SHOC1: variants seen among roughly 807,000 people sequenced by gnomAD.
The protein encoded by SHOC1 is protein shortage in chiasmata 1 ortholog.
SHOC1 carries 136 observed loss-of-function variants against 179.2 expected under a neutral mutation model. That is an observed-to-expected ratio of 0.76 (90% CI 0.66 to 0.87). The LOEUF is 0.87. SHOC1 is among the 40% of genes least tolerant of loss of function. The probability of loss-of-function intolerance (pLI) is 0.00; values close to 1 mark genes in which losing one functional copy is unlikely to be tolerated. For missense variants in SHOC1, 1,538 were observed against 1,700.8 expected, an observed-to-expected ratio of 0.90 and a Z score of 1.68; for synonymous variants, 489 against 586.6, an observed-to-expected ratio of 0.83 and a Z score of 2.41.
At chr9:111,754,214 G>T (rs958216574) in intron 8 of SHOC1, among the ~76,000 whole-genome samples, 27 of 151,986 alleles carry the variant, frequency 1.8e-4, no homozygotes, top group Admixed American at 1.2e-3. Context: ...AAAGAAGGCA[G>T]AAAAGGAGGA....
intron 8 of SHOC1, among the ~76,000 whole-genome samples, chr9:111,755,927 A>T (rs1834834227): frequency 6.6e-6 from 1 of 152,144 alleles, no homozygotes; most frequent in Non-Finnish European, 1.5e-5. Context: ...GTTCAAGACC[A>T]GCCTGATCAA....
intron 5 of SHOC1, among the ~76,000 whole-genome samples, chr9:111,764,339 T>C (rs1835263690): frequency 6.6e-6 from 1 of 152,196 alleles, no homozygotes; most frequent in African/African-American, 2.4e-5. Flanking sequence ...AAATTTATCA[T>C]TGGTATGTAT....
At position 111,773,889 on chromosome 9, in the gene SHOC1, C is replaced by A. The variant is rs1400140255; in HGVS notation, c.442+1902G>T. Among the ~76,000 whole-genome samples the A allele has an allele frequency of 2.0e-5, 3 of 152,078 alleles. No homozygotes were observed. In the East Asian group the frequency reaches 5.8e-4, roughly 29 times the overall value. ...ACAAATCCCCAAATATACTATGTTC[C>A]TTTTGATTTAGACAATAAGACCAAA... is the stretch of plus-strand genomic sequence containing the variant. On this transcript the variant is annotated intron_variant, in intron 5 of 27. Coordinates refer to ENST00000682961, the MANE Select transcript of SHOC1 (RefSeq NM_001378211.1).
In SHOC1 at chr9:111,758,215, A is replaced by G. The variant is rs1171680449; in HGVS notation, c.597-20T>C. 1.5e-6 allele frequency: 2 copies of G among 1,359,220 alleles called. No individual in the cohort carries two copies. The highest frequency in any genetic ancestry group is 1.8e-4 in the Middle Eastern group (1 of 5,534). 84.2% of individuals were successfully genotyped at this position (1,359,220 alleles called of 1,614,324 possible). A position where few individuals can be genotyped will look rare whatever the true frequency, so the allele number is the denominator to read the frequency against. ...CATTCCCTTAAAAAAAAATACATTA[A>G]TTAGTGTTTACTAAAAGCAAGTTAC... On this transcript the variant is annotated intron_variant, in intron 6 of 27. Coordinates refer to ENST00000682961, the MANE Select transcript of SHOC1 (RefSeq NM_001378211.1).
chr9:111,765,568 C>T (rs574394983), intron 5 of SHOC1, among the ~76,000 whole-genome samples: 39 of 152,012 alleles, frequency 2.6e-4, no homozygotes, highest in Middle Eastern at 3.4e-3. Context: ...CCAGCCTGGG[C>T]GACAGGGCAA....
intron 5 of SHOC1, among the ~76,000 whole-genome samples, chr9:111,769,916 A>AT (rs1280783641): frequency 1.5e-5 from 2 of 129,372 alleles, no homozygotes; most frequent in African/African-American, 5.9e-5. Context: ...TTCATTTCTG[A>AT]TTTTATTTAT....
chr9:111,781,145 G>A, intron 3 of SHOC1, 128 bp from the exon 4 acceptor site: 1 of 662,220 alleles, frequency 1.5e-6, no homozygotes, highest in East Asian at 2.9e-5. Flanking sequence ...TTTTCAAAGT[G>A]ATACCTGATT....
chr9:111,726,511 C>T (rs920371468), intron 13 of SHOC1, among the ~76,000 whole-genome samples: 3 of 152,140 alleles, frequency 2.0e-5, no homozygotes, highest in African/African-American at 7.2e-5. Flanking sequence ...AATCCTCCTG[C>T]CTCGGCCTTC....
chr9:111,760,863 G>T (rs1835104210), intron 5 of SHOC1, among the ~76,000 whole-genome samples: 1 of 151,578 alleles, frequency 6.6e-6, no homozygotes, highest in Non-Finnish European at 1.5e-5. Flanking sequence ...ATTTCAAGAG[G>T]TCTGTTTTAG....
intron 11 of SHOC1, among the ~76,000 whole-genome samples, chr9:111,740,222 G>T (rs370259680): frequency 6.6e-6 from 1 of 152,160 alleles, no homozygotes; most frequent in East Asian, 1.9e-4. Context: ...TTATGTAGGG[G>T]TCCCCTATCA....
chr9:111,773,026 C>T (rs923322864), intron 5 of SHOC1, among the ~76,000 whole-genome samples: 14 of 152,148 alleles, frequency 9.2e-5, no homozygotes, highest in Middle Eastern at 3.4e-3. Context: ...GGTGGGGCAT[C>T]ATGGATATGG....
intron 24 of SHOC1, among the ~76,000 whole-genome samples, chr9:111,695,306 A>G (rs1305798970): frequency 1.3e-5 from 2 of 152,150 alleles, no homozygotes; most frequent in East Asian, 3.8e-4. Flanking sequence ...TTCTTTTATA[A>G]GAATAGCAAA....
In SHOC1 at chr9:111,699,965, G is replaced by T. The variant is rs765227397; in HGVS notation, c.3172C>A (p.Leu1058Met). 6.2e-7 allele frequency: 1 copy of T among 1,602,412 alleles called. No individual in the cohort carries two copies. The highest frequency in any genetic ancestry group is 1.1e-5 in the South Asian group (1 of 88,954). The change falls in exon 24 of 28, where the codon CTG (leucine) becomes ATG (methionine). Residue 1058 changes from leucine (L) to methionine (M), a missense_variant. Physicochemically the swap from Leu to Met is conservative, Grantham distance 15. Transcript: ENST00000682961. ...TAGGAAAAGAATACCTTTACATCCAGTTCTTCAGAGTTTAGCCCAAATGAA... is the reference window on the plus strand; with the variant it reads ...TAGGAAAAGAATACCTTTACATCCATTTCTTCAGAGTTTAGCCCAAATGAA... ...LVSFGLNSEE[L>M]DVKLIIAPGV...
Position 111,692,490 on chromosome 9 carries a change from G to C in SHOC1, c.3487C>G (p.Leu1163Val). The C allele has an allele frequency of 1.3e-6, 2 of 1,568,302 alleles. No homozygotes were observed. The highest frequency in any genetic ancestry group is 8.6e-7 in the Non-Finnish European group (1 of 1,156,182). Residue 1163 changes from leucine (L) to valine (V), a missense_variant, in exon 27 of 28, where the codon CTA (leucine) becomes GTA (valine). Physicochemically the swap from Leu to Val is conservative, Grantham distance 32. Transcript: ENST00000682961. ...VLKHFCSITS[L>V]FKIGSSSITK... ...ATGGAAGAAGAACCAATCTTGAATA[G>C]GGAAGTGATGCTACAAAAATGCTAA...
At chr9:111,792,675 A>G (rs1836488019) in intron 1 of SHOC1, among the ~76,000 whole-genome samples, 1 of 152,212 alleles carries the variant, frequency 6.6e-6, no homozygotes, top group African/African-American at 2.4e-5. Flanking sequence ...TTTGGATATT[A>G]CAATATGTTT....
chr9:111,739,752 A>G (rs1432582269), intron 11 of SHOC1, among the ~76,000 whole-genome samples: 2 of 152,030 alleles, frequency 1.3e-5, no homozygotes, highest in East Asian at 3.8e-4. Flanking sequence ...GTAACTGATA[A>G]TTTCAATATA....
intron 5 of SHOC1, among the ~76,000 whole-genome samples, chr9:111,769,992 T>TG (rs1835528337): frequency 6.8e-6 from 1 of 146,034 alleles, no homozygotes; most frequent in Non-Finnish European, 1.5e-5. Context: ...TTTTGTTTTT[T>TG]TTTTTTTTTT....
intron 27 of SHOC1, among the ~76,000 whole-genome samples, chr9:111,688,035 C>T (rs556999263): frequency 1.2e-4 from 18 of 152,230 alleles, no homozygotes; most frequent in Non-Finnish European, 2.5e-4. Flanking sequence ...ATATTAATGA[C>T]GACAGGACCT....
chr9:111,759,180 T>G (rs375645660), intron 5 of SHOC1: 167 of 1,612,842 alleles, frequency 1.0e-4, no homozygotes, highest in Non-Finnish European at 1.4e-4. Context: ...AGGCGTAGCC[T>G]AAGCAAAATT....
Sources: allele counts gnomAD v4.1 joint callset (sites outside exome capture counted in the v4.1 genomes callset), GRCh38; gene constraint gnomAD v4.1.1; transcripts MANE v1.5; gene names NCBI Gene and HGNC (gene_info 2026-07-23, HGNC 2026-07-21).